SRGAP3: variants seen among roughly 807,000 people sequenced by gnomAD.
SRGAP3 encodes SLIT-ROBO Rho GTPase activating protein 3.
A neutral mutation model predicts 121.1 loss-of-function variants in SRGAP3; 39 were observed. The observed-to-expected ratio is 0.32, with a 90% CI of 0.25 to 0.42. SRGAP3 has a LOEUF of 0.42. Among genes scored for constraint, SRGAP3 ranks in the 10% least tolerant of loss-of-function variants. The pLI, the probability that SRGAP3 is intolerant of heterozygous loss-of-function variation, is 1.00. For synonymous variants in SRGAP3, 601 were observed against 570.0 expected (o/e 1.05, Z -0.77); for missense variants, 1,213 against 1,470.6 (o/e 0.82, Z 2.86).
intron 19 of SRGAP3, 88 bp from the exon 20 acceptor site, chr3:8,993,143 G>T: frequency 6.3e-7 from 1 of 1,588,526 alleles, no homozygotes; most frequent in Non-Finnish European, 8.6e-7. Flanking sequence ...CTGAGGGGCT[G>T]AATTAACACA....
At chr3:9,250,776 A>C (rs1288088097), upstream of SRGAP3, among the ~76,000 whole-genome samples, 1 of 152,198 alleles carries the variant, frequency 6.6e-6, no homozygotes, top group Non-Finnish European at 1.5e-5. Context: ...ACCCAAGGTC[A>C]CCAGCCTTCC....
chr3:9,340,302 C>G (rs1252529226), intron 1 of SRGAP3, among the ~76,000 whole-genome samples: 1 of 152,190 alleles, frequency 6.6e-6, no homozygotes, highest in African/African-American at 2.4e-5. Flanking sequence ...CCTCTGTGCT[C>G]TCTTCCCCCT....
intron 1 of SRGAP3, among the ~76,000 whole-genome samples, chr3:9,238,618 G>A (rs148555591): frequency 6.6e-5 from 10 of 152,274 alleles, no homozygotes; most frequent in South Asian, 4.2e-4. Flanking sequence ...AACTCATCCC[G>A]AACAAGCCCG....
chr3:9,225,360 G>C lies in SRGAP3; in HGVS notation c.67+23525C>G, dbSNP rs368208076. 3.2e-4 allele frequency among the ~76,000 whole-genome samples: 49 copies of C among 152,288 alleles called. No individual in the cohort carries two copies. The East Asian group carries it at 9.3e-3, about 29-fold the overall frequency. On this transcript the variant is annotated intron_variant, in intron 1 of 21. Coordinates refer to ENST00000383836, the MANE Select transcript of SRGAP3 (RefSeq NM_014850.4). Reference sequence around the variant, plus strand: ...GGAGACTACTGTCTGCAAATGTCTAGCAGGCTTTGCTGAGGAAGAGGAAGC... The same window carrying C: ...GGAGACTACTGTCTGCAAATGTCTACCAGGCTTTGCTGAGGAAGAGGAAGC...
At chr3:9,337,881 T>A (rs1048145195) in intron 1 of SRGAP3, among the ~76,000 whole-genome samples, 2 of 152,204 alleles carry the variant, frequency 1.3e-5, no homozygotes, top group Non-Finnish European at 2.9e-5. Flanking sequence ...AAGTTATGAA[T>A]CATCCTGCAG....
In SRGAP3 at chr3:9,198,177, C is replaced by T. The variant is rs1160050274; in HGVS notation, c.67+50708G>A. 2.6e-5 allele frequency among the ~76,000 whole-genome samples: 4 copies of T among 152,220 alleles called. No homozygotes were observed. The East Asian group carries it at 7.7e-4, about 29-fold the overall frequency. On this transcript the variant is annotated intron_variant, in intron 1 of 21. Transcript: ENST00000383836. ...AAGGAACACTGGATGACAAGGCTTT[C>T]TGTCATTACATCTGATTTATGTTCA...
At chr3:9,026,858 G>C in intron 13 of SRGAP3, 77 bp downstream of exon 13, 2 of 1,518,952 alleles carry the variant, frequency 1.3e-6, no homozygotes, top group South Asian at 2.2e-5. Flanking sequence ...GGACAAATTA[G>C]AATCTCATTT....
At chr3:9,181,992 T>G (rs1207716385) in intron 1 of SRGAP3, among the ~76,000 whole-genome samples, 2 of 152,020 alleles carry the variant, frequency 1.3e-5, no homozygotes, top group African/African-American at 4.8e-5. Flanking sequence ...CTGACCAACA[T>G]GGTGAAATCC....
At chr3:9,310,451 C>A (rs999192248) in intron 3 of SRGAP3, among the ~76,000 whole-genome samples, 1 of 152,172 alleles carries the variant, frequency 6.6e-6, no homozygotes, top group African/African-American at 2.4e-5. Flanking sequence ...TGTATCCCAT[C>A]TTTGACCACA....
chr3:8,986,936 T>C (rs565510210), intron 21 of SRGAP3, among the ~76,000 whole-genome samples: 182 of 152,266 alleles, frequency 1.2e-3, no homozygotes, highest in African/African-American at 3.8e-3. Context: ...TCAGCTCCCG[T>C]CCCCTCATGC....
chr3:9,051,019 T>A (rs1400562805), intron 9 of SRGAP3, among the ~76,000 whole-genome samples: 1 of 24,144 alleles, frequency 4.1e-5, no homozygotes, highest in Non-Finnish European at 6.7e-5. Flanking sequence ...CCTCATTGCT[T>A]TTTTTTTTTT....
At chr3:9,069,677 G>A (rs571558130) in intron 4 of SRGAP3, among the ~76,000 whole-genome samples, 32 of 152,202 alleles carry the variant, frequency 2.1e-4, no homozygotes, top group Non-Finnish European at 3.7e-4. Flanking sequence ...GGCTGGGCGC[G>A]GTGGCTCATG....
chr3:9,163,449 T>C (rs999700155), intron 1 of SRGAP3, among the ~76,000 whole-genome samples: 12 of 152,212 alleles, frequency 7.9e-5, no homozygotes, highest in African/African-American at 2.7e-4. Flanking sequence ...GCTTTTGGTA[T>C]TGACCGAAGG....
At chr3:8,998,139 T>C (rs1163337101) in intron 18 of SRGAP3, among the ~76,000 whole-genome samples, 1 of 152,220 alleles carries the variant, frequency 6.6e-6, no homozygotes, top group Non-Finnish European at 1.5e-5. Context: ...TCCTCCTGCC[T>C]TGGCCTCCCA....
chr3:9,050,030 G>C (rs767514149), intron 9 of SRGAP3, among the ~76,000 whole-genome samples: 8 of 152,088 alleles, frequency 5.3e-5, no homozygotes, highest in Non-Finnish European at 1.2e-4. Context: ...TGTAGAGATG[G>C]GGTTTTGCCA....
intron 3 of SRGAP3, among the ~76,000 whole-genome samples, chr3:9,086,626 CAT>C (rs928136054): frequency 5.6e-5 from 8 of 143,946 alleles, no homozygotes; most frequent in African/African-American, 2.0e-4. Context: ...TAAATATACA[CAT>C]ATATACACCC....
upstream of SRGAP3, among the ~76,000 whole-genome samples, chr3:9,250,575 G>A (rs537376768): frequency 6.6e-6 from 1 of 152,334 alleles, no homozygotes; most frequent in South Asian, 2.1e-4. Flanking sequence ...TCGGGAATGA[G>A]AGGAGCTCTT....
At chr3:9,202,534 C>G (rs1234277014) in intron 1 of SRGAP3, among the ~76,000 whole-genome samples, 1 of 152,236 alleles carries the variant, frequency 6.6e-6, no homozygotes, top group Non-Finnish European at 1.5e-5. Context: ...GACCTGCACT[C>G]TAAAGTGAAC....
At chr3:9,120,045 G>A (rs1196925000) in intron 2 of SRGAP3, among the ~76,000 whole-genome samples, 2 of 152,224 alleles carry the variant, frequency 1.3e-5, no homozygotes, top group Non-Finnish European at 2.9e-5. Context: ...ACTCCATAGT[G>A]TATTTATTTC....
Sources: gnomAD v4.1 joint callset for allele counts (sites outside exome capture counted in the v4.1 genomes callset) on GRCh38, gnomAD v4.1.1 for gene constraint, MANE v1.5 for transcripts, NCBI Gene and HGNC (gene_info 2026-07-23, HGNC 2026-07-21) for gene names.